CCDC63: variants seen among roughly 807,000 people sequenced by gnomAD.
CCDC63 encodes coiled-coil domain-containing protein 63.
In CCDC63, 54 loss-of-function variants were observed where a neutral mutation model predicts 63.6. The observed-to-expected ratio is 0.85, with a 90% confidence interval of 0.68 to 1.07. The LOEUF (loss-of-function observed/expected upper bound fraction) is 1.07. Ranked by LOEUF, CCDC63 falls within the 50% of genes least tolerant of loss-of-function variation. The pLI, the probability that CCDC63 is intolerant of heterozygous loss-of-function variation, is 0.00. For synonymous variants in CCDC63, 253 were observed against 266.1 expected (o/e 0.95, Z 0.48); for missense variants, 637 against 689.6 (o/e 0.92, Z 0.86).
chr12:110,874,237 A>C (rs1280900486), intron 5 of CCDC63, among the ~76,000 whole-genome samples: 1 of 151,938 alleles, frequency 6.6e-6, no homozygotes, highest in African/African-American at 2.4e-5. Context: ...GGTTTTCAAG[A>C]AGCAGCTCAA....
At chr12:110,880,179 G>A (rs571508268) in intron 6 of CCDC63, 92 bp downstream of exon 6, 29 of 1,103,014 alleles carry the variant, frequency 2.6e-5, no homozygotes, top group African/African-American at 7.8e-5. Flanking sequence ...GTCCCTGGTC[G>A]TTATGTGTTG....
Position 110,873,976 on chromosome 12 carries a change from C to T in CCDC63, c.489+15C>T. 1 of 1,601,306 alleles carries T rather than the reference C, an allele frequency of 6.2e-7. No individual in the cohort carries two copies. Among genetic ancestry groups the T allele is most frequent in the Non-Finnish European group, 8.5e-7 (1 of 1,173,774 alleles). ...GTTTGAATCTCGTATGTAAAGTGTT[C>T]TCTGCAGCTCTGCAAACAGCTCTGC... On this transcript the variant is annotated intron_variant, in intron 5 of 11. Coordinates refer to ENST00000308208, the MANE Select transcript of CCDC63 (RefSeq NM_152591.3).
At chr12:110,880,548 G>T (rs1346569918) in intron 6 of CCDC63, among the ~76,000 whole-genome samples, 1 of 151,798 alleles carries the variant, frequency 6.6e-6, no homozygotes, top group East Asian at 1.9e-4. Flanking sequence ...GTCAGATCTG[G>T]GTTTAAATCC....
intron 4 of CCDC63, among the ~76,000 whole-genome samples, chr12:110,865,473 A>AAAAG: frequency 6.6e-6 from 1 of 151,660 alleles, no homozygotes; most frequent in African/African-American, 2.4e-5. Context: ...CCAAAAAAAA[A>AAAAG]AAAAAAAAAG....
In CCDC63 at chr12:110,873,833, C is replaced by G. The variant is rs1265836112; in HGVS notation, c.370-9C>G. On this transcript the variant is annotated splice_polypyrimidine_tract_variant and intron_variant, in intron 4 of 11. Coordinates refer to ENST00000308208, the MANE Select transcript of CCDC63 (RefSeq NM_152591.3). ...ACAGCTGGAATTTCTCTCTCTCTCT[C>G]TTTTTCAGATTCTTCAGATGGAAAA... The G allele has an allele frequency of 6.2e-7, 1 of 1,610,556 alleles. No homozygotes were observed. The highest frequency in any genetic ancestry group is 8.5e-7 in the Non-Finnish European group (1 of 1,178,730).
At position 110,874,102 on chromosome 12, in the gene CCDC63, G is replaced by T. The variant is rs2071101299; in HGVS notation, c.489+141G>T. ...AGCAGGTGAACTAATGGCCACACAGGCCAGGAAGCCTTTAGGATTTACTGT... is the reference window on the plus strand; with the variant it reads ...AGCAGGTGAACTAATGGCCACACAGTCCAGGAAGCCTTTAGGATTTACTGT... On this transcript the variant is annotated intron_variant, in intron 5 of 11. Coordinates refer to ENST00000308208, the MANE Select transcript of CCDC63 (RefSeq NM_152591.3). 8.8e-6 allele frequency: 10 copies of T among 1,139,114 alleles called. No individual in the cohort carries two copies. The South Asian group carries it at 1.2e-4, about 14-fold the overall frequency. The allele number at this position is 1,139,114 out of a possible 1,614,324, so 70.6% of individuals were successfully genotyped here. A position where few individuals can be genotyped will look rare whatever the true frequency, so the allele number is the denominator to read the frequency against.
chr12:110,867,994 A>G (rs1382694122), intron 4 of CCDC63, among the ~76,000 whole-genome samples: 1 of 142,504 alleles, frequency 7.0e-6, no homozygotes, highest in African/African-American at 2.7e-5. Context: ...TGCCAGGCAG[A>G]GGGTCTCCTC....
At chr12:110,890,031 T>A (rs1305724450) in intron 8 of CCDC63, among the ~76,000 whole-genome samples, 1 of 152,104 alleles carries the variant, frequency 6.6e-6, no homozygotes, top group Non-Finnish European at 1.5e-5. Context: ...TTTTTAAAAA[T>A]TAAAAATTTT....
intron 8 of CCDC63, among the ~76,000 whole-genome samples, chr12:110,884,926 T>C (rs1417230352): frequency 6.7e-6 from 1 of 150,090 alleles, no homozygotes; most frequent in Non-Finnish European, 1.5e-5. Context: ...CTCAAACTCC[T>C]GGCCTCAAGT....
chr12:110,858,481 G>A, intron 3 of CCDC63, 105 bp from the exon 4 acceptor site: 1 of 994,816 alleles, frequency 1.0e-6, no homozygotes, highest in Non-Finnish European at 1.5e-6. Context: ...TGCTCAGGTG[G>A]GAAATTCCTC....
intron 3 of CCDC63, among the ~76,000 whole-genome samples, chr12:110,857,234 C>A (rs2070785068): frequency 6.6e-6 from 1 of 152,006 alleles, no homozygotes; most frequent in South Asian, 2.1e-4. Flanking sequence ...TCAAGCAATT[C>A]TCTGCCTCAG....
chr12:110,893,399 C>A (rs1310421425), intron 9 of CCDC63, among the ~76,000 whole-genome samples: 1 of 152,206 alleles, frequency 6.6e-6, no homozygotes, highest in African/African-American at 2.4e-5. Flanking sequence ...GCCCCCACCC[C>A]CCTTTTCAGG....
chr12:110,881,330 ACT>A, intron 7 of CCDC63, 34 bp downstream of exon 7: 15 of 1,580,790 alleles, frequency 9.5e-6, no homozygotes, highest in Non-Finnish European at 1.3e-5. Flanking sequence ...GTGCTCTCTC[ACT>A]CTCTTTCTTG....
chr12:110,855,051 A>C (rs573828227), intron 3 of CCDC63, among the ~76,000 whole-genome samples: 15 of 152,202 alleles, frequency 9.9e-5, no homozygotes, highest in Non-Finnish European at 1.9e-4. Context: ...TAGGCCTCCC[A>C]AAGTTCTAGG....
At chr12:110,874,524 G>T (rs1313078300) in intron 5 of CCDC63, among the ~76,000 whole-genome samples, 5 of 152,202 alleles carry the variant, frequency 3.3e-5, no homozygotes, top group Admixed American at 6.5e-5. Flanking sequence ...GGAGGAAGTG[G>T]GGCCTTCAGG....
chr12:110,844,919 A>G, upstream of CCDC63, among the ~76,000 whole-genome samples: 1 of 152,138 alleles, frequency 6.6e-6, no homozygotes, highest in East Asian at 1.9e-4. Flanking sequence ...TCTGCGTCCA[A>G]ATGCCTCTGC....
In CCDC63 at chr12:110,899,116, C is replaced by A; in HGVS notation, c.1333C>A (p.Gln445Lys). The A allele has an allele frequency of 6.2e-7, 1 of 1,610,938 alleles. No individual in the cohort carries two copies. The highest frequency in any genetic ancestry group is 8.5e-7 in the Non-Finnish European group (1 of 1,178,674). Residue 445 changes from glutamine (Q) to lysine (K), a missense_variant, in exon 10 of 12, where the codon CAG (glutamine) becomes AAG (lysine). By Grantham distance (53) the Gln-to-Lys change is moderately conservative. Coordinates refer to ENST00000308208, the MANE Select transcript of CCDC63 (RefSeq NM_152591.3). ...GAAAGTCACTGACATCAACCTTCCG[C>A]AGTATTTTGGTGAGTCAAGCTGGGG... is the stretch of plus-strand genomic sequence containing the variant. ...TGKVTDINLP[Q>K]YFAIIEKKTN...
intron 8 of CCDC63, among the ~76,000 whole-genome samples, chr12:110,891,813 A>G (rs2071360732): frequency 6.6e-6 from 1 of 152,140 alleles, no homozygotes; most frequent in African/African-American, 2.4e-5. Flanking sequence ...CCCTATCAGT[A>G]GACATTTGAT....
upstream of CCDC63, among the ~76,000 whole-genome samples, chr12:110,844,984 G>C (rs1317998693): frequency 6.6e-6 from 1 of 152,162 alleles, no homozygotes; most frequent in African/African-American, 2.4e-5. Context: ...AGGCTCTGCT[G>C]TCGCCAACAT....
Sources: allele counts gnomAD v4.1 joint callset (sites outside exome capture counted in the v4.1 genomes callset), GRCh38; gene constraint gnomAD v4.1.1; transcripts MANE v1.5; gene names NCBI Gene and HGNC (gene_info 2026-07-23, HGNC 2026-07-21).